Variants in CSMD1 observed in about 807,000 individuals in gnomAD.
The protein encoded by CSMD1 is CUB and sushi domain-containing protein 1.
Under a neutral mutation model 417.5 loss-of-function variants are expected in CSMD1, and 213 were observed. That is an observed-to-expected ratio of 0.51 (90% confidence interval 0.46 to 0.57). CSMD1 has a LOEUF of 0.57. Among genes scored for constraint, CSMD1 ranks in the 20% least tolerant of loss-of-function variants. CSMD1 has a pLI of 0.00. For missense variants in CSMD1, 6,923 were observed against 4,529.7 expected (o/e 1.53, Z -15.17); for synonymous variants, 2,862 against 1,736.8 (o/e 1.65, Z -16.11).
chr8:4,112,154 T>G (rs1801890522), intron 3 of CSMD1, among the ~76,000 whole-genome samples: 1 of 152,190 alleles, frequency 6.6e-6, no homozygotes, highest in South Asian at 2.1e-4. Flanking sequence ...CATCCAGAGC[T>G]TAAAAGAGCT....
chr8:4,166,421 A>G (rs1584944219), intron 3 of CSMD1, among the ~76,000 whole-genome samples: 1 of 152,252 alleles, frequency 6.6e-6, no homozygotes, highest in African/African-American at 2.4e-5. Flanking sequence ...ACCACACAAT[A>G]ATAGCCATAA....
chr8:4,703,677 G>T (rs1271542891), intron 1 of CSMD1, among the ~76,000 whole-genome samples: 1 of 152,042 alleles, frequency 6.6e-6, no homozygotes, highest in African/African-American at 2.4e-5. Context: ...AATAGTAGTT[G>T]ACTTAGCATT....
chr8:3,822,111 T>C (rs984203539), intron 5 of CSMD1, among the ~76,000 whole-genome samples: 4 of 151,474 alleles, frequency 2.6e-5, no homozygotes, highest in Non-Finnish European at 5.9e-5. Context: ...CCGATTTTTC[T>C]GGACAATTTT....
At chr8:4,603,837 G>C (rs886679309) in intron 2 of CSMD1, among the ~76,000 whole-genome samples, 2 of 152,020 alleles carry the variant, frequency 1.3e-5, no homozygotes, top group African/African-American at 4.8e-5. Flanking sequence ...AAATATTGAA[G>C]AATGATTTTT....
intron 5 of CSMD1, among the ~76,000 whole-genome samples, chr8:3,993,073 G>A (rs1814882411): frequency 6.6e-6 from 1 of 152,202 alleles, no homozygotes; most frequent in Non-Finnish European, 1.5e-5. Flanking sequence ...AAAGGCAGAG[G>A]AAATCAAACA....
chr8:4,164,849 C>A (rs1433210079), intron 3 of CSMD1, among the ~76,000 whole-genome samples: 1 of 149,188 alleles, frequency 6.7e-6, no homozygotes, highest in Non-Finnish European at 1.5e-5. Context: ...GCACTCCAAG[C>A]CTGAGCAACA....
chr8:4,943,315 G>A (rs1458398837), intron 1 of CSMD1, among the ~76,000 whole-genome samples: 1 of 151,918 alleles, frequency 6.6e-6, no homozygotes, highest in South Asian at 2.1e-4. Flanking sequence ...CTGACACTAT[G>A]AAAACCCGTC....
intron 2 of CSMD1, among the ~76,000 whole-genome samples, chr8:4,578,021 C>G (rs975845161): frequency 1.3e-5 from 2 of 152,158 alleles, no homozygotes; most frequent in Admixed American, 1.3e-4. Flanking sequence ...GGACCCAGGG[C>G]TCGGCTTTAG....
At chr8:3,955,058 G>A (rs910932729) in intron 5 of CSMD1, among the ~76,000 whole-genome samples, 10 of 152,142 alleles carry the variant, frequency 6.6e-5, no homozygotes, top group Admixed American at 1.3e-4. Context: ...GAGGCAATGC[G>A]ATAATTATGA....
chr8:3,391,048 C>A lies in CSMD1; in HGVS notation c.2594-3366G>T, dbSNP rs79457539. ...CCTCTCTCTCATGTATGCATCCATG[C>A]GTGTGCCTGTGAGTGTTAGCATGCA... On this transcript the variant is annotated intron_variant, in intron 17 of 69. Transcript: ENST00000635120. 1.4e-3 allele frequency among the ~76,000 whole-genome samples: 208 copies of A among 152,208 alleles called. 1 individual carries two copies. The highest frequency in any genetic ancestry group is 4.8e-3 in the African/African-American group (198 of 41,492).
intron 5 of CSMD1, among the ~76,000 whole-genome samples, chr8:3,887,505 T>A (rs757376923): frequency 1.4e-4 from 22 of 152,184 alleles, no homozygotes; most frequent in Non-Finnish European, 3.1e-4. Flanking sequence ...AACATTAGAG[T>A]TGCCTGTTTT....
intron 3 of CSMD1, among the ~76,000 whole-genome samples, chr8:4,113,390 CTTTTT>C (rs59647790): frequency 0.013 from 1,036 of 81,192 alleles, 11 homozygotes; most frequent in African/African-American, 0.036. Flanking sequence ...AATAAAAGGG[CTTTTT>C]TTTTTTTTTT....
At chr8:3,039,813 A>C (rs1328645181) in intron 50 of CSMD1, among the ~76,000 whole-genome samples, 6 of 152,178 alleles carry the variant, frequency 3.9e-5, no homozygotes, top group African/African-American at 9.7e-5. Flanking sequence ...TTGCGTTTAA[A>C]AATTAAGCTC....
intron 1 of CSMD1, among the ~76,000 whole-genome samples, chr8:4,738,877 T>C (rs1810415546): frequency 7.9e-6 from 1 of 126,268 alleles, no homozygotes; most frequent in Admixed American, 8.4e-5. Context: ...CATATAGTCA[T>C]CTATTATACT....
chr8:3,139,944 C>G (rs1385333148), intron 41 of CSMD1, among the ~76,000 whole-genome samples: 1 of 150,034 alleles, frequency 6.7e-6, no homozygotes. Context: ...CCTCTGTCAC[C>G]CAGACTGGAG....
At chr8:4,137,914 G>C (rs967343817) in intron 3 of CSMD1, among the ~76,000 whole-genome samples, 3 of 151,554 alleles carry the variant, frequency 2.0e-5, no homozygotes, top group Admixed American at 6.6e-5. Flanking sequence ...GTCTCGCTCT[G>C]TCGCCCAGGT....
intron 2 of CSMD1, among the ~76,000 whole-genome samples, chr8:4,487,722 G>T (rs760330655): frequency 6.6e-6 from 1 of 152,058 alleles, no homozygotes. Context: ...CTGTTTAGAG[G>T]ATATAAAAAT....
At chr8:4,347,945 T>C (rs73660760) in intron 3 of CSMD1, among the ~76,000 whole-genome samples, 2,084 of 151,822 alleles carry the variant, frequency 0.014, 41 homozygotes, top group African/African-American at 0.046. Context: ...AAAAATAAAA[T>C]GGAGGCACAG....
intron 7 of CSMD1, among the ~76,000 whole-genome samples, chr8:3,639,995 T>C (rs115117599): frequency 0.044 from 6,659 of 152,258 alleles, 313 homozygotes; most frequent in African/African-American, 0.11. Flanking sequence ...GTGGTTGGGA[T>C]ATAGTAGGTG....
Sources: allele counts gnomAD v4.1 joint callset (sites outside exome capture counted in the v4.1 genomes callset), GRCh38; gene constraint gnomAD v4.1.1; transcripts MANE v1.5; gene names NCBI Gene and HGNC (gene_info 2026-07-23, HGNC 2026-07-21).